CTNNA2: variants seen among roughly 807,000 people sequenced by gnomAD.
CTNNA2 encodes the protein catenin alpha-2.
A neutral mutation model predicts 101.0 loss-of-function variants in CTNNA2; 42 were observed. The ratio of observed to expected loss-of-function variants is 0.42; its 90% CI spans 0.32 to 0.54. The LOEUF (loss-of-function observed/expected upper bound fraction) is 0.54. Among genes scored for constraint, CTNNA2 ranks in the 20% least tolerant of loss-of-function variants. CTNNA2 has a pLI of 0.14. For missense variants in CTNNA2, 871 were observed against 1,223.1 expected (o/e 0.71, Z 4.29); for synonymous variants, 450 against 456.4 (o/e 0.99, Z 0.18).
At chr2:80,189,288 A>G (rs1246879557) in intron 7 of CTNNA2, among the ~76,000 whole-genome samples, 4 of 152,252 alleles carry the variant, frequency 2.6e-5, no homozygotes, top group East Asian at 1.9e-4. Flanking sequence ...TCAGTTAACA[A>G]GAGTACTGGG....
intron 7 of CTNNA2, among the ~76,000 whole-genome samples, chr2:79,965,803 C>G (rs371629644): frequency 8.2e-4 from 103 of 125,244 alleles, no homozygotes; most frequent in East Asian, 4.7e-3. Context: ...GTACTCCTGC[C>G]TGGGTGATGG....
At chr2:80,350,675 T>A (rs762191144) in intron 7 of CTNNA2, among the ~76,000 whole-genome samples, 4 of 152,182 alleles carry the variant, frequency 2.6e-5, no homozygotes, top group Non-Finnish European at 4.4e-5. Flanking sequence ...ATTAAATAAA[T>A]GAATGTGGTA....
At chr2:79,207,574 A>G (rs975754917) in intron 2 of CTNNA2, among the ~76,000 whole-genome samples, 19 of 152,208 alleles carry the variant, frequency 1.2e-4, no homozygotes, top group African/African-American at 4.3e-4. Context: ...CTAGAATCGA[A>G]TGACACAAAA....
At chr2:79,427,296 C>A (rs1180132959) in intron 4 of CTNNA2, among the ~76,000 whole-genome samples, 1 of 151,878 alleles carries the variant, frequency 6.6e-6, no homozygotes, top group East Asian at 1.9e-4. Flanking sequence ...CTGGTAGTAT[C>A]ATCCTATCAG....
At chr2:79,617,515 G>A (rs1285431794) in intron 1 of CTNNA2, among the ~76,000 whole-genome samples, 2 of 152,018 alleles carry the variant, frequency 1.3e-5, no homozygotes, top group Non-Finnish European at 2.9e-5. Flanking sequence ...TACTTTGTTA[G>A]TGATTACATT....
At chr2:79,554,534 A>G (rs1401566340) in intron 1 of CTNNA2, among the ~76,000 whole-genome samples, 10 of 152,178 alleles carry the variant, frequency 6.6e-5, no homozygotes, top group Admixed American at 6.5e-4. Flanking sequence ...ACATCTAATT[A>G]TTAAGGTAGT....
chr2:79,673,647 C>G (rs1682995305), intron 2 of CTNNA2, among the ~76,000 whole-genome samples: 1 of 152,030 alleles, frequency 6.6e-6, no homozygotes, highest in Non-Finnish European at 1.5e-5. Flanking sequence ...TGACCATTTG[C>G]CTTTTTCAAA....
chr2:80,375,242 G>A (rs1448328716), intron 7 of CTNNA2, among the ~76,000 whole-genome samples: 1 of 152,162 alleles, frequency 6.6e-6, no homozygotes, highest in Non-Finnish European at 1.5e-5. Context: ...GATAGCCTCG[G>A]GAAAGGCACA....
At chr2:80,535,632 G>A (rs1239073740) in intron 9 of CTNNA2, among the ~76,000 whole-genome samples, 1 of 152,106 alleles carries the variant, frequency 6.6e-6, no homozygotes, top group Non-Finnish European at 1.5e-5. Flanking sequence ...GAATGACCAA[G>A]AGTGCCAGAT....
At chr2:80,167,522 T>C (rs1704781895) in intron 7 of CTNNA2, among the ~76,000 whole-genome samples, 1 of 152,194 alleles carries the variant, frequency 6.6e-6, no homozygotes, top group Admixed American at 6.5e-5. Flanking sequence ...CATACATTCT[T>C]GGGCAATTTG....
chr2:79,779,865 G>A (rs1335677239), intron 3 of CTNNA2, among the ~76,000 whole-genome samples: 1 of 152,108 alleles, frequency 6.6e-6, no homozygotes, highest in African/African-American at 2.4e-5. Context: ...GCATTCCAAA[G>A]TTAACCTGAA....
intron 7 of CTNNA2, chr2:80,305,416 C>T: frequency 2.0e-6 from 2 of 975,766 alleles, no homozygotes; most frequent in Non-Finnish European, 1.2e-6. Context: ...GATTAAAGAA[C>T]GATTGTACTG....
intron 9 of CTNNA2, among the ~76,000 whole-genome samples, chr2:80,529,808 G>T (rs1690370296): frequency 6.6e-6 from 1 of 152,128 alleles, no homozygotes; most frequent in Non-Finnish European, 1.5e-5. Flanking sequence ...AGGTCAGACT[G>T]GCCATTCACC....
intron 7 of CTNNA2, among the ~76,000 whole-genome samples, chr2:80,325,154 T>C (rs1342456092): frequency 1.3e-5 from 2 of 152,214 alleles, no homozygotes; most frequent in Admixed American, 1.3e-4. Flanking sequence ...AAAGACTATG[T>C]CACTTGCCAA....
intron 4 of CTNNA2, among the ~76,000 whole-genome samples, chr2:79,452,886 C>T (rs945415921): frequency 2.0e-5 from 3 of 151,912 alleles, no homozygotes; most frequent in African/African-American, 7.3e-5. Flanking sequence ...GGGGATGAGA[C>T]GAAGAAGTAA....
At chr2:79,451,976 A>T (rs1396280070) in intron 4 of CTNNA2, among the ~76,000 whole-genome samples, 1 of 152,010 alleles carries the variant, frequency 6.6e-6, no homozygotes, top group Non-Finnish European at 1.5e-5. Flanking sequence ...AAACTTTGGA[A>T]TGATTATTTC....
In CTNNA2 at chr2:80,419,209, G is replaced by A. The variant is rs137887247; in HGVS notation, c.1138-240G>A. Among the ~76,000 whole-genome samples the A allele has an allele frequency of 1.6e-3, 238 of 152,304 alleles. 1 individual carries two copies. Among genetic ancestry groups the A allele is most frequent in the African/African-American group, 5.6e-3 (233 of 41,566 alleles). On this transcript the variant is annotated intron_variant, in intron 8 of 18. Transcript: ENST00000402739. Reference sequence around the variant, plus strand: ...GGCCTTTGATGGGAGAGGACCCATAGTGTGTATTGAGCAACAGGCCATTAT... The same window carrying A: ...GGCCTTTGATGGGAGAGGACCCATAATGTGTATTGAGCAACAGGCCATTAT...
chr2:80,548,523 C>G (rs1173852766), intron 11 of CTNNA2, among the ~76,000 whole-genome samples: 1 of 152,132 alleles, frequency 6.6e-6, no homozygotes, highest in Non-Finnish European at 1.5e-5. Flanking sequence ...CTTTGTGCAT[C>G]TCATTATTAC....
At chr2:80,183,439 C>T (rs937953923) in intron 7 of CTNNA2, among the ~76,000 whole-genome samples, 1 of 152,130 alleles carries the variant, frequency 6.6e-6, no homozygotes, top group African/African-American at 2.4e-5. Flanking sequence ...CAAACCAAAA[C>T]CACAAAAATG....
Sources: gnomAD v4.1 joint callset for allele counts (sites outside exome capture counted in the v4.1 genomes callset) on GRCh38, gnomAD v4.1.1 for gene constraint, MANE v1.5 for transcripts, NCBI Gene and HGNC (gene_info 2026-07-23, HGNC 2026-07-21) for gene names.